Variants in PCDH7 observed in about 807,000 individuals in gnomAD.
The protein encoded by PCDH7 is protocadherin-7.
A neutral mutation model predicts 58.9 loss-of-function variants in PCDH7; 17 were observed. That is an observed-to-expected ratio of 0.29 (90% confidence interval 0.20 to 0.43). PCDH7 has a LOEUF of 0.43. Ranked by LOEUF, PCDH7 falls within the 20% of genes least tolerant of loss-of-function variation. The pLI is 1.00. For missense variants in PCDH7, 1,274 were observed against 1,441.0 expected (o/e 0.88, Z 1.88); for synonymous variants, 664 against 616.4 (o/e 1.08, Z -1.14).
chr4:30,851,156 CTG>C (rs35649499), intron 1 of PCDH7, among the ~76,000 whole-genome samples: 7 of 150,114 alleles, frequency 4.7e-5, no homozygotes, highest in Non-Finnish European at 4.5e-5. Flanking sequence ...ATGTGTGTGT[CTG>C]TGTGTGTGTG....
chr4:30,772,994 C>T lies in PCDH7; in HGVS notation c.70+48398C>T, dbSNP rs559238622. Among the ~76,000 whole-genome samples the T allele has an allele frequency of 3.3e-5, 5 of 152,252 alleles. No individual in the cohort carries two copies. In the East Asian group the frequency reaches 5.8e-4, roughly 18 times the overall value. ...TCGGCTCACTGCAACCTCTGTCTCC[C>T]AGGTTCAAGTGATTCTCACACCTCA... On this transcript the variant is annotated intron_variant, in intron 1 of 3. Transcript: ENST00000509759.
intron 1 of PCDH7, among the ~76,000 whole-genome samples, chr4:30,774,343 C>T (rs116806385): frequency 0.01 from 1,559 of 152,278 alleles, 18 homozygotes; most frequent in Non-Finnish European, 0.015. Flanking sequence ...CCTCTTAACT[C>T]TTAGGCCTAG....
rs537961676 is a variant in PCDH7 at position 31,097,004 on chromosome 4, T to C, written c.*8-45469T>C. ...GAGGTTGTTCATGTAGGTGTATGTCTATACACAGAGAGAAAAAGAGAGACT... is the reference window on the plus strand; with the variant it reads ...GAGGTTGTTCATGTAGGTGTATGTCCATACACAGAGAGAAAAAGAGAGACT... On this transcript the variant is annotated intron_variant, in intron 3 of 3. Transcript: ENST00000509759. 8.0e-4 allele frequency among the ~76,000 whole-genome samples: 121 copies of C among 152,118 alleles called. 2 individuals are homozygous for C. The highest frequency in any genetic ancestry group is 6.9e-4 in the Non-Finnish European group (47 of 68,014).
intron 1 of PCDH7, among the ~76,000 whole-genome samples, chr4:30,833,674 A>T (rs764062289): frequency 6.6e-6 from 1 of 152,184 alleles, no homozygotes; most frequent in Non-Finnish European, 1.5e-5. Flanking sequence ...GCAGCTAAGG[A>T]TTGTATATCA....
At chr4:31,053,724 T>C (rs1402805204) in intron 3 of PCDH7, among the ~76,000 whole-genome samples, 2 of 152,214 alleles carry the variant, frequency 1.3e-5, no homozygotes, top group Non-Finnish European at 2.9e-5. Flanking sequence ...CGTATATTAT[T>C]GTCCCACATC....
intron 3 of PCDH7, among the ~76,000 whole-genome samples, chr4:31,127,439 G>A (rs538307136): frequency 6.6e-6 from 1 of 152,250 alleles, no homozygotes; most frequent in Non-Finnish European, 1.5e-5. Context: ...TAGCTTGAAT[G>A]TGTCCTACAT....
chr4:30,853,333 G>T, intron 1 of PCDH7, among the ~76,000 whole-genome samples: 1 of 151,982 alleles, frequency 6.6e-6, no homozygotes, highest in East Asian at 1.9e-4. Context: ...GAGAGTGTGC[G>T]GTGAGTATTA....
chr4:30,948,514 C>T (rs1746989069), intron 2 of PCDH7, among the ~76,000 whole-genome samples: 1 of 151,996 alleles, frequency 6.6e-6, no homozygotes, highest in African/African-American at 2.4e-5. Flanking sequence ...GAGGTTTTAA[C>T]TTTGAAGGGG....
At position 30,833,707 on chromosome 4, in the gene PCDH7, C is replaced by T. The variant is rs531059724; in HGVS notation, c.71-86446C>T. 2.0e-5 allele frequency among the ~76,000 whole-genome samples: 3 copies of T among 152,204 alleles called. No homozygotes were observed. In the South Asian group the frequency reaches 6.2e-4, roughly 32 times the overall value. On this transcript the variant is annotated intron_variant, in intron 1 of 3. Transcript: ENST00000509759. ...TCAGGGAGAAAATGTAGAAAATTAA[C>T]AATACAAGGAAAGTACTTTACATCT...
chr4:31,073,422 A>T (rs1177991217), intron 3 of PCDH7, among the ~76,000 whole-genome samples: 1 of 152,200 alleles, frequency 6.6e-6, no homozygotes, highest in African/African-American at 2.4e-5. Flanking sequence ...TGAAGAATCC[A>T]TCTGCTATAC....
chr4:30,906,988 A>G lies in PCDH7; in HGVS notation c.71-13165A>G, dbSNP rs1415594104. Among the ~76,000 whole-genome samples the G allele has an allele frequency of 2.0e-5, 3 of 152,270 alleles. No homozygotes were observed. In the East Asian group the frequency reaches 5.8e-4, roughly 29 times the overall value. On this transcript the variant is annotated intron_variant, in intron 1 of 3. Coordinates refer to the PCDH7 transcript ENST00000509759. ...CAGTGACCCAAGATCATGCCACTGCACTCTAGCCTGGGTGACAGAGTGAGA... is the reference window on the plus strand; with the variant it reads ...CAGTGACCCAAGATCATGCCACTGCGCTCTAGCCTGGGTGACAGAGTGAGA...
chr4:31,108,533 A>C (rs1578818463), intron 3 of PCDH7, among the ~76,000 whole-genome samples: 1 of 152,180 alleles, frequency 6.6e-6, no homozygotes, highest in African/African-American at 2.4e-5. Context: ...GTTTTCTACT[A>C]TCAGCAAAAA....
intron 3 of PCDH7, among the ~76,000 whole-genome samples, chr4:31,059,893 C>A (rs1306949297): frequency 2.6e-5 from 4 of 151,630 alleles, no homozygotes; most frequent in African/African-American, 4.8e-5. Context: ...CCTTAGAGAT[C>A]ATCTAATCTA....
chr4:30,985,804 G>A (rs1750918610), intron 3 of PCDH7, among the ~76,000 whole-genome samples: 1 of 152,120 alleles, frequency 6.6e-6, no homozygotes, highest in African/African-American at 2.4e-5. Flanking sequence ...GTAAACCATT[G>A]TTTCTGGGGC....
intron 3 of PCDH7, among the ~76,000 whole-genome samples, chr4:31,024,287 T>C (rs1446947451): frequency 3.9e-5 from 6 of 152,210 alleles, no homozygotes; most frequent in African/African-American, 1.2e-4. Context: ...TATTTTACTT[T>C]CCTTTTCTCA....
intron 1 of PCDH7, among the ~76,000 whole-genome samples, chr4:30,727,618 T>C (rs968569694): frequency 7.2e-5 from 11 of 151,966 alleles, no homozygotes; most frequent in South Asian, 2.1e-4. Context: ...GACAGCATGA[T>C]TGAGATTAAG....
intron 1 of PCDH7, among the ~76,000 whole-genome samples, chr4:30,845,495 T>C (rs1164943508): frequency 6.6e-6 from 1 of 152,180 alleles, no homozygotes; most frequent in Admixed American, 6.6e-5. Flanking sequence ...TTATACCACT[T>C]ACATTGTGGT....
chr4:31,055,549 T>C (rs1036524541), intron 3 of PCDH7, among the ~76,000 whole-genome samples: 2 of 152,128 alleles, frequency 1.3e-5, no homozygotes, highest in African/African-American at 4.8e-5. Context: ...GAGTTGAGCC[T>C]TATAATATAA....
At chr4:30,729,867 GC>G (rs1715228758) in intron 1 of PCDH7, among the ~76,000 whole-genome samples, 1 of 151,832 alleles carries the variant, frequency 6.6e-6, no homozygotes, top group Non-Finnish European at 1.5e-5. Flanking sequence ...CAATTGGATT[GC>G]TTCCTTGTTA....
Sources: gnomAD v4.1 joint callset for allele counts (sites outside exome capture counted in the v4.1 genomes callset) on GRCh38, gnomAD v4.1.1 for gene constraint, MANE v1.5 for transcripts, NCBI Gene and HGNC (gene_info 2026-07-23, HGNC 2026-07-21) for gene names.